AHRR: variants seen among roughly 807,000 people sequenced by gnomAD.
AHRR encodes ahR repressor.
AHRR carries 28 observed loss-of-function variants against 44.0 expected under a neutral mutation model. The observed-to-expected ratio is 0.64, with a 90% CI of 0.47 to 0.87. The LOEUF is 0.87. Among genes scored for constraint, AHRR ranks in the 40% least tolerant of loss-of-function variants. The probability of loss-of-function intolerance (pLI) is 0.00; values close to 1 mark genes in which losing one functional copy is unlikely to be tolerated. For missense variants in AHRR, 990 were observed against 953.9 expected (o/e 1.04, Z -0.50); for synonymous variants, 434 against 407.0 (o/e 1.07, Z -0.80).
chr5:415,939 C>T (rs540924353), intron 5 of AHRR, among the ~76,000 whole-genome samples: 4 of 152,326 alleles, frequency 2.6e-5, no homozygotes, highest in African/African-American at 9.6e-5. Flanking sequence ...CTCTAGTCCG[C>T]CTCTAAGTTC....
Position 337,993 on chromosome 5 carries a change from C to T in AHRR, c.-10-5900C>T, listed in dbSNP as rs1000091569. Among the ~76,000 whole-genome samples, 2 of 152,178 alleles carry T rather than the reference C, an allele frequency of 1.3e-5. No individual in the cohort carries two copies. The highest frequency in any genetic ancestry group is 2.9e-5 in the Non-Finnish European group (2 of 68,032). On this transcript the variant is annotated intron_variant, in intron 1 of 10. Transcript: ENST00000684583. The surrounding 1 kb of genome is among the most constrained non-coding windows in gnomAD (Gnocchi z 4.1). The stretch of plus-strand genomic sequence containing the variant: ...GCTGAAAGACTGCGGCTTATTAATG[C>T]AGATCAGGCAGGATGGAGAGTCTGG...
chr5:390,935 C>T (rs1734389550), intron 4 of AHRR, among the ~76,000 whole-genome samples: 1 of 152,130 alleles, frequency 6.6e-6, no homozygotes, highest in African/African-American at 2.4e-5. Flanking sequence ...CTCGGAAAGC[C>T]CCTGGAGGGC....
At chr5:376,552 A>ATGAGACCCGTGGGGT in intron 3 of AHRR, 58 bp from the exon 4 acceptor site, 3 of 1,409,238 alleles carry the variant, frequency 2.1e-6, no homozygotes, top group Non-Finnish European at 1.9e-6. Context: ...ATGTGAATGA[A>ATGAGACCCGTGGGGT]GAAGAGTGGC....
At chr5:332,960 C>T (rs1455552598) in intron 1 of AHRR, among the ~76,000 whole-genome samples, 8 of 117,850 alleles carry the variant, frequency 6.8e-5, no homozygotes, top group South Asian at 2.3e-4. Flanking sequence ...CTGTTTTTGG[C>T]GTAAAGTCTG....
At chr5:431,569 T>G (rs562361703) in intron 8 of AHRR, among the ~76,000 whole-genome samples, 3 of 152,282 alleles carry the variant, frequency 2.0e-5, no homozygotes, top group African/African-American at 7.2e-5. Flanking sequence ...ATCAGAGCCC[T>G]GAGGCAGTGG....
At chr5:324,272 T>G (rs530142368) in intron 1 of AHRR, among the ~76,000 whole-genome samples, 1 of 151,430 alleles carries the variant, frequency 6.6e-6, no homozygotes, top group Admixed American at 6.6e-5. Context: ...CTCTACTAAA[T>G]GTTGGCCAGG....
rs1261650837 is a variant in AHRR, at chr5:383,272, T to C, written c.351+6556T>C. 3.3e-5 allele frequency among the ~76,000 whole-genome samples: 5 copies of C among 152,228 alleles called. No homozygotes were observed. In the South Asian group the frequency reaches 6.2e-4, roughly 19 times the overall value. ...TTCTGTAAACATTAATTATATCCAG[T>C]TGACTTGTTGTGTTCAGGTTATTCT... On this transcript the variant is annotated intron_variant, in intron 4 of 10. Transcript: ENST00000684583. This position sits in a 1 kb window ranked among gnomAD's most constrained non-coding sequence, Gnocchi z 4.0.
intron 4 of AHRR, among the ~76,000 whole-genome samples, chr5:380,679 C>T (rs1272147119): frequency 6.6e-6 from 1 of 152,088 alleles, no homozygotes; most frequent in African/African-American, 2.4e-5. Flanking sequence ...ATCCTATGAC[C>T]TTGCTAAACT....
At chr5:372,441 C>T (rs1743611157) in intron 3 of AHRR, among the ~76,000 whole-genome samples, 1 of 152,218 alleles carries the variant, frequency 6.6e-6, no homozygotes, top group South Asian at 2.1e-4. Context: ...AAAGGGACGT[C>T]CTCTTCTGCT....
At chr5:414,892 C>A (rs1189329765) in intron 5 of AHRR, among the ~76,000 whole-genome samples, 2 of 152,198 alleles carry the variant, frequency 1.3e-5, no homozygotes, top group African/African-American at 4.8e-5. Flanking sequence ...CCAGTAGCAC[C>A]GGCTCAGCAA....
chr5:390,456 C>G (rs1734363848), intron 4 of AHRR, among the ~76,000 whole-genome samples: 1 of 152,200 alleles, frequency 6.6e-6, no homozygotes, highest in African/African-American at 2.4e-5. Flanking sequence ...AAAGAAAATT[C>G]AGACATGAAA....
rs776838002 is a variant in AHRR at position 326,829 on chromosome 5, C to T, written c.-11+5010C>T. On this transcript the variant is annotated intron_variant, in intron 1 of 10. Transcript: ENST00000684583. The surrounding 1 kb of genome is among the most constrained non-coding windows in gnomAD (Gnocchi z 4.1). ...ATCCCTGCACTTTGGGAGGCTGAGG[C>T]AGGCGGATCACTTGAGGTCGGGAGT... 6.6e-6 allele frequency among the ~76,000 whole-genome samples: 1 copy of T among 152,174 alleles called. No homozygotes were observed. The highest frequency in any genetic ancestry group is 1.5e-5 in the Non-Finnish European group (1 of 68,042).
intron 5 of AHRR, among the ~76,000 whole-genome samples, chr5:415,600 T>C (rs1171483702): frequency 2.6e-4 from 34 of 130,310 alleles, no homozygotes; most frequent in Non-Finnish European, 3.6e-4. Context: ...AGGGGCCGAA[T>C]CTGCCTGGTG....
At chr5:427,620 A>G (rs1364073577) in intron 7 of AHRR, 187 bp from the exon 8 acceptor site, 13 of 1,612,490 alleles carry the variant, frequency 8.1e-6, no homozygotes, top group South Asian at 7.7e-5. Context: ...ATTCAAGCAC[A>G]TCGAATCACT....
rs145765257 is a variant in AHRR at position 359,632 on chromosome 5, C to T, written c.244+5721C>T. On this transcript the variant is annotated intron_variant, in intron 3 of 10. Coordinates refer to ENST00000684583, the MANE Select transcript of AHRR (RefSeq NM_001377236.1). ...GCTGCTCCCTGCTCCCTTCACTCAT[C>T]ACCCGCAGCAGCATCGGAGTCCTCT... 5.5e-3 allele frequency among the ~76,000 whole-genome samples: 835 copies of T among 152,324 alleles called. 29 individuals are homozygous for T. The highest frequency in any genetic ancestry group is 0.052 in the Admixed American group (796 of 15,300).
intron 5 of AHRR, chr5:421,196 C>T (rs909025455): frequency 9.2e-6 from 6 of 654,936 alleles, no homozygotes; most frequent in African/African-American, 5.7e-5. Context: ...GGGCAGGAGG[C>T]CCTTGCGGAC....
At position 411,449 on chromosome 5, in the gene AHRR, G is replaced by T. The variant is rs550971468; in HGVS notation, c.352-1895G>T. 6.6e-6 allele frequency among the ~76,000 whole-genome samples: 1 copy of T among 152,126 alleles called. No homozygotes were observed. The highest frequency in any genetic ancestry group is 2.1e-4 in the South Asian group (1 of 4,816). ...AACTGCCATTATCCTTGGCTGCCTA[G>T]GAGTCTTCAATACCAGTATTTCAAA... On this transcript the variant is annotated intron_variant, in intron 4 of 10. Transcript: ENST00000684583. This position sits in a 1 kb window ranked among gnomAD's most constrained non-coding sequence, Gnocchi z 4.2.
At chr5:428,128 G>A (rs1488613009) in intron 8 of AHRR, 122 bp downstream of exon 8, 47 of 1,184,666 alleles carry the variant, frequency 4.0e-5, no homozygotes, top group South Asian at 2.6e-4. Context: ...AGTCAGTTTC[G>A]TGTCGTAAAA....
chr5:401,770 G>T (rs1432357297), intron 4 of AHRR, among the ~76,000 whole-genome samples: 1 of 152,228 alleles, frequency 6.6e-6, no homozygotes, highest in African/African-American at 2.4e-5. Flanking sequence ...GTCGTGAAGT[G>T]ATTTCAGCCT....
Sources: gnomAD v4.1 joint callset for allele counts (sites outside exome capture counted in the v4.1 genomes callset) on GRCh38, gnomAD v4.1.1 for gene constraint, Gnocchi (gnomAD v3.1) non-coding constraint, MANE v1.5 for transcripts, NCBI Gene and HGNC (gene_info 2026-07-23, HGNC 2026-07-21) for gene names.